PLBD2: variants seen among roughly 807,000 people sequenced by gnomAD.
PLBD2 encodes phospholipase B domain containing 2.
In PLBD2, 51 loss-of-function variants were observed where a neutral mutation model predicts 68.3. That is an observed-to-expected ratio of 0.75 (90% CI 0.60 to 0.94). The LOEUF (loss-of-function observed/expected upper bound fraction) is 0.94, where lower values mean the gene tolerates loss of function less well. Among genes scored for constraint, PLBD2 ranks in the 40% least tolerant of loss-of-function variants. The pLI is 0.00. For missense variants in PLBD2, 729 were observed against 792.2 expected, an observed-to-expected ratio of 0.92 and a Z score of 0.96; for synonymous variants, 314 against 339.3, an observed-to-expected ratio of 0.93 and a Z score of 0.82.
At position 113,372,468 on chromosome 12, in the gene PLBD2, G is replaced by C. The variant is rs1008927164; in HGVS notation, c.385-181G>C. Among the ~76,000 whole-genome samples the C allele has an allele frequency of 1.2e-4, 18 of 152,160 alleles. No individual in the cohort carries two copies. Among genetic ancestry groups the C allele is most frequent in the Non-Finnish European group, 4.4e-5 (3 of 68,016 alleles). On this transcript the variant is annotated intron_variant, in intron 2 of 11. Transcript: ENST00000280800. The surrounding 1 kb of genome is among the most constrained non-coding windows in gnomAD (Gnocchi z 4.2). ...CTCTCAGGGCAACTTCCAGGGGCCT[G>C]GGGTCCCTATCCGGGGCAGAGCTGG...
In PLBD2 at chr12:113,380,816, G is replaced by A. The variant is rs536795117; in HGVS notation, c.931G>A (p.Asp311Asn). ...SYPGTIFSCDDFYILGSGLVT... is the reference protein window; with the variant it reads ...SYPGTIFSCDNFYILGSGLVT... ...CCCCGGCACCATCTTCTCCTGCGAC[G>A]ACTTCTACATCCTGGGCAGTGGGCT... Residue 311 changes from aspartate (D) to asparagine (N), a missense_variant, in exon 6 of 12, where the codon GAC becomes AAC. Asp to Asn is a conservative substitution (Grantham distance 23, BLOSUM62 1). Transcript: ENST00000280800. 2.2e-5 allele frequency: 34 copies of A among 1,556,746 alleles called. 1 individual carries two copies. The highest frequency in any genetic ancestry group is 1.2e-4 in the South Asian group (10 of 84,400).
chr12:113,380,615 A>G, intron 5 of PLBD2, 130 bp from the exon 6 acceptor site: 1 of 677,008 alleles, frequency 1.5e-6, no homozygotes. Context: ...GCTAAATGAC[A>G]AAAAGGACAC....
rs1310744798 is a variant in PLBD2 at position 113,384,388 on chromosome 12, G to A, written c.1118+123G>A. ...GGCCACACACCCCACGCCCTCCTTTGTTTCATACATGGGGAGACTGAGGCT... is the reference window on the plus strand; with the variant it reads ...GGCCACACACCCCACGCCCTCCTTTATTTCATACATGGGGAGACTGAGGCT... On this transcript the variant is annotated intron_variant, in intron 7 of 11. Coordinates refer to ENST00000280800, the MANE Select transcript of PLBD2 (RefSeq NM_173542.4). This position sits in a 1 kb window ranked among gnomAD's most constrained non-coding sequence, Gnocchi z 4.2. The A allele has an allele frequency of 8.0e-7, 1 of 1,249,684 alleles. No homozygotes were observed. The highest frequency in any genetic ancestry group is 1.1e-6 in the Non-Finnish European group (1 of 915,928). The allele number at this position is 1,249,684 out of a possible 1,614,324, so 77.4% of individuals were successfully genotyped here. A position where few individuals can be genotyped will look rare whatever the true frequency, so the allele number is the denominator to read the frequency against.
chr12:113,373,018 C>G (rs544109416), intron 3 of PLBD2, among the ~76,000 whole-genome samples: 53 of 152,372 alleles, frequency 3.5e-4, no homozygotes, highest in African/African-American at 1.2e-3. Context: ...CCATCCTAGC[C>G]TACCTACAGT....
chr12:113,370,098 C>T (rs1957375493), intron 2 of PLBD2, among the ~76,000 whole-genome samples: 2 of 152,060 alleles, frequency 1.3e-5, no homozygotes, highest in Non-Finnish European at 2.9e-5. Context: ...TGGGATTTCG[C>T]CCTGTTGGCC....
intron 5 of PLBD2, 198 bp downstream of exon 5, chr12:113,375,205 G>A: frequency 1.7e-6 from 1 of 594,730 alleles, no homozygotes; most frequent in Non-Finnish European, 3.0e-6. Flanking sequence ...GAGTACAGTG[G>A]CACAGTCATG....
At chr12:113,385,076 C>T in intron 8 of PLBD2, 130 bp downstream of exon 8, 1 of 1,292,540 alleles carries the variant, frequency 7.7e-7, no homozygotes, top group Non-Finnish European at 1.1e-6. Context: ...GAGAAGGTGT[C>T]CCTGGTGGGG....
rs767515954 is a variant in PLBD2 at position 113,387,012 on chromosome 12, C to T, written c.1362C>T (p.Asp454=). The change falls in exon 10 of 12, where the codon GAC becomes GAT. Residue 454 remains aspartate (D), a synonymous_variant. Coordinates refer to ENST00000280800, the MANE Select transcript of PLBD2 (RefSeq NM_173542.4). ...VAQYGDWFSY[D]GSPRAQIFRR... Reference sequence around the variant, plus strand: ...AGTATGGGGACTGGTTTTCTTATGACGGGAGCCCCCGGGCCCAGATCTTCC... The same window carrying T: ...AGTATGGGGACTGGTTTTCTTATGATGGGAGCCCCCGGGCCCAGATCTTCC... 28 of 1,612,098 alleles carry T rather than the reference C, an allele frequency of 1.7e-5. No individual in the cohort carries two copies. The highest frequency in any genetic ancestry group is 5.0e-5 in the Admixed American group (3 of 59,668).
At chr12:113,371,765 G>A (rs532636034) in intron 2 of PLBD2, among the ~76,000 whole-genome samples, 5 of 152,374 alleles carry the variant, frequency 3.3e-5, no homozygotes, top group Non-Finnish European at 5.9e-5. Flanking sequence ...TGGGCCCAGA[G>A]AGGTGAAGCT....
intron 1 of PLBD2, among the ~76,000 whole-genome samples, chr12:113,361,979 G>A (rs1314583318): frequency 1.3e-5 from 2 of 152,128 alleles, no homozygotes; most frequent in Non-Finnish European, 2.9e-5. Flanking sequence ...GGCAAAAACA[G>A]CCCAGTAAAA....
At chr12:113,369,338 G>A (rs1347610531) in intron 2 of PLBD2, 129 bp downstream of exon 2, 7 of 649,252 alleles carry the variant, frequency 1.1e-5, no homozygotes, top group Non-Finnish European at 1.7e-5. Context: ...TCTATCTGGG[G>A]AGAAAAAGTG....
chr12:113,382,506 G>A (rs1248228948), intron 6 of PLBD2, among the ~76,000 whole-genome samples: 2 of 151,904 alleles, frequency 1.3e-5, no homozygotes, highest in African/African-American at 4.8e-5. Flanking sequence ...GCAGTGGCAT[G>A]ATCACAGCTC....
chr12:113,374,626 T>C, intron 4 of PLBD2, 52 bp downstream of exon 4: 1 of 1,498,312 alleles, frequency 6.7e-7, no homozygotes, highest in South Asian at 1.2e-5. Context: ...CACACACTCA[T>C]AGTCGGACAG....
intron 1 of PLBD2, among the ~76,000 whole-genome samples, chr12:113,364,075 C>T (rs114809574): frequency 0.013 from 1,921 of 152,284 alleles, 46 homozygotes; most frequent in African/African-American, 0.042. Context: ...ATGGGTGTTT[C>T]GGGAAGGCCC....
chr12:113,382,835 T>TTTTTTTTTTGTGTGTG (rs1335785271), intron 6 of PLBD2, among the ~76,000 whole-genome samples: 20 of 106,610 alleles, frequency 1.9e-4, no homozygotes, highest in African/African-American at 6.5e-4. Flanking sequence ...TGGTGGTTTT[T>TTTTTTTTTTGTGTGTG]TGTGTGTGTG....
chr12:113,379,307 CAAAAAAAAAAAA>C (rs759130410), intron 5 of PLBD2, among the ~76,000 whole-genome samples: 1 of 46,480 alleles, frequency 2.2e-5, no homozygotes, highest in Non-Finnish European at 4.7e-5. Context: ...GACTCTGTCT[CAAAAAAAAAAAA>C]AAAAAAAAAA....
rs556463348 is a variant in PLBD2 at position 113,358,660 on chromosome 12, G to C, written c.60G>C (p.Ala20=). The C allele has an allele frequency of 9.5e-5, 139 of 1,460,562 alleles. No individual in the cohort carries two copies. The African/African-American group carries it at 1.7e-3, about 18-fold the overall frequency. 90.5% of individuals were successfully genotyped at this position (1,460,562 alleles called of 1,614,324 possible). The change falls in exon 1 of 12, where the codon GCG becomes GCC. Residue 20 remains alanine, a synonymous_variant. Coordinates refer to ENST00000280800, the MANE Select transcript of PLBD2 (RefSeq NM_173542.4). The stretch of plus-strand genomic sequence containing the variant: ...ACCTGGCCCGGGCGCTGACGCGGGC[G>C]CTGGCGCTGGCCCTGGTGCTGGCCC... ...GSHLARALTR[A]LALALVLALL...
Position 113,388,587 on chromosome 12 carries a change from C to T in PLBD2, c.1731C>T (p.Asp577=). The T allele has an allele frequency of 6.2e-7, 1 of 1,602,138 alleles. No individual in the cohort carries two copies. Among genetic ancestry groups the T allele is most frequent in the Non-Finnish European group, 8.5e-7 (1 of 1,172,950 alleles). The change falls in exon 12 of 12, where the codon GAC becomes GAT. Residue 577 remains aspartate (D), a synonymous_variant. Coordinates refer to ENST00000280800, the MANE Select transcript of PLBD2 (RefSeq NM_173542.4). The part of the protein sequence containing the change: ...FSGLLHMGQP[D]LWKFAPVKVS... ...GCCTGCTGCACATGGGCCAGCCAGACCTCTGGAAGTTCGCGCCTGTCAAGG... is the reference window on the plus strand; with the variant it reads ...GCCTGCTGCACATGGGCCAGCCAGATCTCTGGAAGTTCGCGCCTGTCAAGG...
In PLBD2 at chr12:113,390,551, C is replaced by G. The variant is rs112788546; in HGVS notation, c.*1925C>G. On this transcript the variant is annotated 3_prime_UTR_variant, in exon 12 of 12. Transcript: ENST00000280800. The stretch of plus-strand genomic sequence containing the variant: ...TCTACCCATCCACCCATTCACTCAT[C>G]CATCCACCTTCCTATCCATTTATCA... 8,481 of 151,770 alleles carry G rather than the reference C, an allele frequency of 0.056. 344 individuals are homozygous for G. The highest frequency in any genetic ancestry group is 0.091 in the Non-Finnish European group (6,167 of 67,852). 9.4% of individuals were successfully genotyped at this position (151,770 alleles called of 1,614,324 possible). A position where few individuals can be genotyped will look rare whatever the true frequency, so the allele number is the denominator to read the frequency against.
Sources: gnomAD v4.1 joint callset for allele counts (sites outside exome capture counted in the v4.1 genomes callset) on GRCh38, gnomAD v4.1.1 for gene constraint, Gnocchi (gnomAD v3.1) non-coding constraint, MANE v1.5 for transcripts, NCBI Gene and HGNC (gene_info 2026-07-23, HGNC 2026-07-21) for gene names.